MDGA2: variants seen among roughly 807,000 people sequenced by gnomAD.
MDGA2 encodes MAM domain containing glycosylphosphatidylinositol anchor 2, also known as MAM domain-containing glycosylphosphatidylinositol anchor protein 2.
In MDGA2, 40 loss-of-function variants were observed where a neutral mutation model predicts 117.8. The observed-to-expected ratio is 0.34, with a 90% CI of 0.26 to 0.44. MDGA2 has a LOEUF of 0.44. MDGA2 is among the 20% of genes least tolerant of loss of function. The pLI, the probability that MDGA2 is intolerant of heterozygous loss-of-function variation, is 1.00. For missense variants in MDGA2, 1,123 were observed against 1,250.6 expected (o/e 0.90, Z 1.54); for synonymous variants, 452 against 439.0 (o/e 1.03, Z -0.37).
intron 14 of MDGA2, among the ~76,000 whole-genome samples, chr14:46,869,593 A>T (rs2933207): frequency 9.9e-5 from 15 of 151,874 alleles, no homozygotes; most frequent in Non-Finnish European, 5.9e-5. Context: ...AATTGTACCA[A>T]TGTGGCAGAG....
rs531841366 is a variant in MDGA2 at position 47,346,788 on chromosome 14, T to C, written c.281-45238A>G. ...ACTGGGAATACAATAATAGATAAAATTGATAAGATTTCTGCCCTTGCAAAG... is the reference window on the plus strand; with the variant it reads ...ACTGGGAATACAATAATAGATAAAACTGATAAGATTTCTGCCCTTGCAAAG... On this transcript the variant is annotated intron_variant, in intron 1 of 16. Coordinates refer to ENST00000399232, the MANE Select transcript of MDGA2 (RefSeq NM_001113498.3). Among the ~76,000 whole-genome samples, 59 of 152,300 alleles carry C rather than the reference T, an allele frequency of 3.9e-4. 1 individual carries two copies. In the South Asian group the frequency reaches 0.012, roughly 30 times the overall value.
rs554849871 is a variant in MDGA2, at chr14:46,940,383, C to G, written c.2089+16991G>C. Among the ~76,000 whole-genome samples, 8 of 152,018 alleles carry G rather than the reference C, an allele frequency of 5.3e-5. No homozygotes were observed. The South Asian group carries it at 1.7e-3, about 32-fold the overall frequency. ...GTGGCTCACGCCTGTAATCCCAGCA[C>G]GTTGGGAGTCTGAGGAGGGTGGATC... On this transcript the variant is annotated intron_variant, in intron 9 of 16. Transcript: ENST00000399232.
chr14:47,146,873 C>G (rs1052236642), intron 3 of MDGA2, among the ~76,000 whole-genome samples: 10 of 152,144 alleles, frequency 6.6e-5, no homozygotes, highest in Admixed American at 3.3e-4. Flanking sequence ...CAGACTCAGT[C>G]AGGAATAAAC....
intron 2 of MDGA2, among the ~76,000 whole-genome samples, chr14:47,273,692 G>A (rs999853441): frequency 6.6e-6 from 1 of 152,052 alleles, no homozygotes; most frequent in African/African-American, 2.4e-5. Context: ...TTTAGAGAGA[G>A]ATTTTTCCTG....
chr14:47,382,769 G>T (rs1566762877), intron 1 of MDGA2, among the ~76,000 whole-genome samples: 1 of 152,152 alleles, frequency 6.6e-6, no homozygotes, highest in Non-Finnish European at 1.5e-5. Flanking sequence ...CTATAAACTA[G>T]TTCAACCATT....
chr14:47,323,224 CTG>C (rs2139883678), intron 1 of MDGA2, among the ~76,000 whole-genome samples: 1 of 142,586 alleles, frequency 7.0e-6, no homozygotes, highest in South Asian at 2.3e-4. Flanking sequence ...ATTTCGGTGA[CTG>C]TATGTAAAAC....
At chr14:47,171,650 A>G (rs1884140015) in intron 3 of MDGA2, among the ~76,000 whole-genome samples, 1 of 152,076 alleles carries the variant, frequency 6.6e-6, no homozygotes, top group Non-Finnish European at 1.5e-5. Context: ...ATTTTATGTC[A>G]ATTTGGAGAG....
intron 1 of MDGA2, among the ~76,000 whole-genome samples, chr14:47,474,939 A>T (rs947702473): frequency 8.5e-5 from 13 of 152,210 alleles, no homozygotes; most frequent in African/African-American, 2.7e-4. Flanking sequence ...TTTCATGACG[A>T]AAATGCCAAA....
intron 8 of MDGA2, among the ~76,000 whole-genome samples, chr14:46,972,576 A>G (rs897019262): frequency 1.3e-5 from 2 of 152,278 alleles, no homozygotes; most frequent in South Asian, 2.1e-4. Flanking sequence ...ATTAAATCTG[A>G]GAAGTTACAT....
At chr14:47,053,010 G>T (rs1236919216) in intron 7 of MDGA2, among the ~76,000 whole-genome samples, 1 of 151,758 alleles carries the variant, frequency 6.6e-6, no homozygotes, top group Non-Finnish European at 1.5e-5. Flanking sequence ...CAAAATTTAT[G>T]CATCAATATT....
At chr14:47,411,222 CT>C (rs531499852) in intron 1 of MDGA2, among the ~76,000 whole-genome samples, 8 of 151,296 alleles carry the variant, frequency 5.3e-5, no homozygotes, top group African/African-American at 1.2e-4. Flanking sequence ...CATAAACGTC[CT>C]TTTTTTTTCT....
At chr14:47,077,175 A>T (rs1185181267) in intron 6 of MDGA2, among the ~76,000 whole-genome samples, 1 of 152,138 alleles carries the variant, frequency 6.6e-6, no homozygotes, top group South Asian at 2.1e-4. Flanking sequence ...CCTTTTGATT[A>T]TAACAGAAAC....
intron 1 of MDGA2, among the ~76,000 whole-genome samples, chr14:47,529,182 T>G (rs562080420): frequency 6.6e-6 from 1 of 152,128 alleles, no homozygotes; most frequent in African/African-American, 2.4e-5. Flanking sequence ...TTTTACAAAC[T>G]TTTTTATAAA....
At chr14:46,852,089 C>T (rs972501914) in intron 15 of MDGA2, among the ~76,000 whole-genome samples, 10 of 151,562 alleles carry the variant, frequency 6.6e-5, no homozygotes, top group Non-Finnish European at 1.3e-4. Context: ...GAAAGAGCGT[C>T]GATCAAAATG....
At chr14:46,877,396 G>A (rs1882275731) in intron 12 of MDGA2, 93 bp downstream of exon 12, 2 of 676,048 alleles carry the variant, frequency 3.0e-6, no homozygotes, top group African/African-American at 3.7e-5. Context: ...AACCAACTAA[G>A]AATAGTTACT....
At chr14:47,503,407 T>C (rs996404257) in intron 1 of MDGA2, among the ~76,000 whole-genome samples, 2 of 151,382 alleles carry the variant, frequency 1.3e-5, no homozygotes, top group African/African-American at 4.9e-5. Context: ...TCTCACTACA[T>C]TATCCTCTAC....
intron 8 of MDGA2, among the ~76,000 whole-genome samples, chr14:47,004,968 C>T (rs193135375): frequency 6.6e-6 from 1 of 151,506 alleles, no homozygotes; most frequent in African/African-American, 2.4e-5. Context: ...TATTCTGCAA[C>T]CTTGTTGAAC....
intron 1 of MDGA2, among the ~76,000 whole-genome samples, chr14:47,535,297 GC>G (rs1407730259): frequency 4.6e-5 from 7 of 152,338 alleles, no homozygotes; most frequent in African/African-American, 7.2e-5. Context: ...TCTGGAAGAA[GC>G]CATTTTGTTT....
rs1326268354 is a variant in MDGA2 at position 47,166,595 on chromosome 14, C to A, written c.596-22321G>T. Among the ~76,000 whole-genome samples the A allele has an allele frequency of 3.3e-5, 5 of 152,258 alleles. No individual in the cohort carries two copies. In the East Asian group the frequency reaches 9.7e-4, roughly 29 times the overall value. On this transcript the variant is annotated intron_variant, in intron 3 of 16. Coordinates refer to ENST00000399232, the MANE Select transcript of MDGA2 (RefSeq NM_001113498.3). ...ATTAGCACCTCTTCTAAGAATAGGT[C>A]TTTAGAATAGTCCTCAAAAGAGATA...
Sources: gnomAD v4.1 joint callset for allele counts (sites outside exome capture counted in the v4.1 genomes callset) on GRCh38, gnomAD v4.1.1 for gene constraint, MANE v1.5 for transcripts, NCBI Gene and HGNC (gene_info 2026-07-23, HGNC 2026-07-21) for gene names.